BFSP1: variants seen among roughly 807,000 people sequenced by gnomAD.
BFSP1 encodes beaded filament structural protein 1, also known as filensin.
BFSP1 carries 38 observed loss-of-function variants against 43.9 expected under a neutral mutation model. The observed-to-expected ratio is 0.87, with a 90% CI of 0.67 to 1.14. BFSP1 has a LOEUF of 1.14. Ranked by LOEUF, BFSP1 falls within the 50% of genes most tolerant of loss-of-function variation. The pLI, the probability that BFSP1 is intolerant of heterozygous loss-of-function variation, is 0.00. For missense variants in BFSP1, 850 were observed against 875.1 expected, an observed-to-expected ratio of 0.97 and a Z score of 0.36; for synonymous variants, 352 against 354.8, an observed-to-expected ratio of 0.99 and a Z score of 0.09.
At chr20:17,511,846 A>G in intron 4 of BFSP1, 130 bp downstream of exon 4, 2 of 642,544 alleles carry the variant, frequency 3.1e-6, no homozygotes, top group Non-Finnish European at 5.4e-6. Context: ...TCAGATGAGA[A>G]TACAAGGCAG....
At chr20:17,496,776 C>T (rs1292228507) in intron 7 of BFSP1, among the ~76,000 whole-genome samples, 162 bp downstream of exon 7, 3 of 152,294 alleles carry the variant, frequency 2.0e-5, no homozygotes, top group Non-Finnish European at 2.9e-5. Context: ...AGTCACTTAG[C>T]AAGCCAGAGA....
At chr20:17,553,835 A>C (rs2034940910) in intron 1 of BFSP1, among the ~76,000 whole-genome samples, 1 of 90,802 alleles carries the variant, frequency 1.1e-5, no homozygotes, top group African/African-American at 8.2e-5. Flanking sequence ...ATATATATAT[A>C]TACACATATA....
At chr20:17,515,948 T>G (rs1409207097) in intron 2 of BFSP1, among the ~76,000 whole-genome samples, 1 of 152,232 alleles carries the variant, frequency 6.6e-6, no homozygotes, top group African/African-American at 2.4e-5. Flanking sequence ...TCACGATATG[T>G]GGACTGGCCA....
In BFSP1 at chr20:17,568,377, G is replaced by A. The variant is rs865884062; in HGVS notation, n.50+794C>T. Among the ~76,000 whole-genome samples, 12 of 152,224 alleles carry A rather than the reference G, an allele frequency of 7.9e-5. No individual in the cohort carries two copies. The South Asian group carries it at 8.3e-4, about 11-fold the overall frequency. ...CACCATTCACTTTTGGACTAGAAAG[G>A]AAGTCTGAATATTAAGAAGTGTAAG... On this transcript the variant is annotated intron_variant and non_coding_transcript_variant, in intron 1 of 6. Transcript: ENST00000473415.
At chr20:17,497,168 C>T in intron 6 of BFSP1, 145 bp from the exon 7 acceptor site, 1 of 566,000 alleles carries the variant, frequency 1.8e-6, no homozygotes, top group Non-Finnish European at 3.1e-6. Flanking sequence ...GACAGCCATA[C>T]ACACATTTAC....
At chr20:17,520,897 G>C (rs1009467306) in intron 2 of BFSP1, among the ~76,000 whole-genome samples, 2 of 152,152 alleles carry the variant, frequency 1.3e-5, no homozygotes, top group African/African-American at 2.4e-5. Flanking sequence ...ACGTTTAAGA[G>C]ACACATGAAT....
chr20:17,543,600 T>C (rs552477274), intron 1 of BFSP1, among the ~76,000 whole-genome samples: 18 of 152,242 alleles, frequency 1.2e-4, no homozygotes, highest in South Asian at 6.2e-4. Context: ...CAGATTTCCA[T>C]TGGGTGAATG....
intron 1 of BFSP1, among the ~76,000 whole-genome samples, chr20:17,554,888 A>G (rs929187624): frequency 2.0e-5 from 3 of 152,252 alleles, no homozygotes; most frequent in Non-Finnish European, 4.4e-5. Flanking sequence ...ATGGCTGGCT[A>G]TAAGACTAAT....
chr20:17,565,089 G>A (rs961933600), intron 1 of BFSP1, among the ~76,000 whole-genome samples: 1 of 151,868 alleles, frequency 6.6e-6, no homozygotes, highest in Non-Finnish European at 1.5e-5. Context: ...ACCCCTGAAA[G>A]CTCTGTCAGA....
intron 5 of BFSP1, among the ~76,000 whole-genome samples, chr20:17,501,475 G>A (rs2033798536): frequency 6.6e-6 from 1 of 152,008 alleles, no homozygotes; most frequent in Non-Finnish European, 1.5e-5. Context: ...TGAGGCACCT[G>A]AACCCGGGAG....
upstream of BFSP1, among the ~76,000 whole-genome samples, chr20:17,561,169 C>T (rs964596564): frequency 8.0e-4 from 121 of 152,124 alleles, no homozygotes; most frequent in African/African-American, 2.8e-3. Context: ...TTTCTTTCTC[C>T]GGAAGTACAA....
In BFSP1 at chr20:17,537,583, A is replaced by C. The variant is rs572950714; in HGVS notation, c.3-12675T>G. Among the ~76,000 whole-genome samples the C allele has an allele frequency of 7.7e-3, 1,166 of 151,990 alleles. 8 individuals are homozygous for C. Among genetic ancestry groups the C allele is most frequent in the South Asian group, 0.017 (80 of 4,800 alleles). ...ACTGAAGCACCAAAAAAAAAAAAAAAAAAAAACAAATTTGTGTGACAGCAA... is the reference window on the plus strand; with the variant it reads ...ACTGAAGCACCAAAAAAAAAAAAAACAAAAAACAAATTTGTGTGACAGCAA... On this transcript the variant is annotated intron_variant, in intron 1 of 7. Transcript: ENST00000377868.
chr20:17,567,451 A>C (rs900039773), intron 1 of BFSP1, among the ~76,000 whole-genome samples: 3 of 152,132 alleles, frequency 2.0e-5, no homozygotes, highest in Non-Finnish European at 4.4e-5. Flanking sequence ...AAAACCATGA[A>C]ACCTCCTAAC....
At position 17,550,873 on chromosome 20, in the gene BFSP1, TC is replaced by T. The variant is rs570815933; in HGVS notation, c.2+7814del. 2.0e-5 allele frequency among the ~76,000 whole-genome samples: 3 copies of T among 152,350 alleles called. No homozygotes were observed. The South Asian group carries it at 6.2e-4, about 32-fold the overall frequency. ...TCCTTGCAGGCATTGTTAAGCTGTT[TC>T]CTCAGCTGTAAACATCATATAACCA... On this transcript the variant is annotated intron_variant, in intron 1 of 7. Transcript: ENST00000377868.
At chr20:17,524,349 A>G (rs1318172108) in intron 2 of BFSP1, among the ~76,000 whole-genome samples, 4 of 151,984 alleles carry the variant, frequency 2.6e-5, no homozygotes, top group African/African-American at 9.7e-5. Flanking sequence ...GTGGCTAAGA[A>G]CCCCTGGCAT....
intron 1 of BFSP1, among the ~76,000 whole-genome samples, chr20:17,551,645 C>T (rs1042301848): frequency 6.6e-6 from 1 of 152,116 alleles, no homozygotes; most frequent in African/African-American, 2.4e-5. Context: ...TGACAACCTA[C>T]CCTGTGCCAA....
At chr20:17,497,593 CGTGT>C (rs1349073432) in intron 6 of BFSP1, among the ~76,000 whole-genome samples, 8 of 64,590 alleles carry the variant, frequency 1.2e-4, no homozygotes, top group East Asian at 3.4e-4. Context: ...TATATATATA[CGTGT>C]ATATATATAC....
At position 17,495,168 on chromosome 20, in the gene BFSP1, A is replaced by C. The variant is rs376842163; in HGVS notation, c.1043-139T>G. ...GTGGGGCTTCCTTCATCTGGAGCAG[A>C]AGCAATGGAAGAAAGGCCCTGGCTT... On this transcript the variant is annotated intron_variant, in intron 7 of 7. Coordinates refer to ENST00000377873, the MANE Select transcript of BFSP1 (RefSeq NM_001195.5). 6 of 832,900 alleles carry C rather than the reference A, an allele frequency of 7.2e-6. No individual in the cohort carries two copies. The East Asian group carries it at 7.9e-5, about 11-fold the overall frequency. 51.6% of individuals were successfully genotyped at this position (832,900 alleles called of 1,614,324 possible). A position where few individuals can be genotyped will look rare whatever the true frequency, so the allele number is the denominator to read the frequency against.
At chr20:17,517,000 G>A in intron 2 of BFSP1, 1 of 766,222 alleles carries the variant, frequency 1.3e-6, no homozygotes, top group South Asian at 1.3e-5. Flanking sequence ...CTGGAGGATG[G>A]ATGTGCTTTG....
Sources: gnomAD v4.1 joint callset for allele counts (sites outside exome capture counted in the v4.1 genomes callset) on GRCh38, gnomAD v4.1.1 for gene constraint, MANE v1.5 for transcripts, NCBI Gene and HGNC (gene_info 2026-07-23, HGNC 2026-07-21) for gene names.